The following DYNLRB1 variants were observed in gnomAD, a reference collection of about 807,000 sequenced individuals.
DYNLRB1 encodes dynein light chain roadblock-type 1, also known as ROBL/LC7-like 1.
In DYNLRB1, 6 loss-of-function variants were observed where a neutral mutation model predicts 13.5. That is an observed-to-expected ratio of 0.44 (90% CI 0.24 to 0.88). The LOEUF is 0.88. Among genes scored for constraint, DYNLRB1 ranks in the 40% least tolerant of loss-of-function variants. The probability of loss-of-function intolerance (pLI) is 0.21; values close to 1 mark genes in which losing one functional copy is unlikely to be tolerated. For missense variants in DYNLRB1, 93 were observed against 127.2 expected, an observed-to-expected ratio of 0.73 and a Z score of 1.29; for synonymous variants, 43 against 45.0, an observed-to-expected ratio of 0.96 and a Z score of 0.18.
At chr20:34,516,661 C>A (rs953579803) in intron 1 of DYNLRB1, 200 bp downstream of exon 1, 4 of 1,464,332 alleles carry the variant, frequency 2.7e-6, no homozygotes, top group Middle Eastern at 4.7e-4. Context: ...GCGGGGCCGC[C>A]GGATCCCGCT....
At chr20:34,538,147 TG>T (rs1221862611) in intron 3 of DYNLRB1, among the ~76,000 whole-genome samples, 1 of 147,834 alleles carries the variant, frequency 6.8e-6, no homozygotes, top group Non-Finnish European at 1.5e-5. Flanking sequence ...TTTTTTTTTT[TG>T]GTAGAGACAG....
At position 34,516,449 on chromosome 20, in the gene DYNLRB1, T is replaced by G. The variant is rs1488968851; in HGVS notation, c.-10T>G. The G allele has an allele frequency of 1.2e-6, 2 of 1,613,284 alleles. No homozygotes were observed. Among genetic ancestry groups the G allele is most frequent in the East Asian group, 2.2e-5 (1 of 44,816 alleles). On this transcript the variant is annotated 5_prime_UTR_variant, in exon 1 of 4. Coordinates refer to ENST00000357156, the MANE Select transcript of DYNLRB1 (RefSeq NM_014183.4). Reference sequence around the variant, plus strand: ...GTGTTCGCTACGCGGGGCTACCGGATCGGTCGGAAATGGTGAGCGTGCGCC... The same window carrying G: ...GTGTTCGCTACGCGGGGCTACCGGAGCGGTCGGAAATGGTGAGCGTGCGCC...
At chr20:34,533,844 G>T (rs890683999) in intron 2 of DYNLRB1, among the ~76,000 whole-genome samples, 2 of 146,898 alleles carry the variant, frequency 1.4e-5, no homozygotes, top group African/African-American at 5.1e-5. Context: ...ATAAATAAAA[G>T]AAGTTTGTAA....
chr20:34,516,443 A>C lies in DYNLRB1; in HGVS notation c.-16A>C. ...CGCTAAGTGTTCGCTACGCGGGGCT[A>C]CCGGATCGGTCGGAAATGGTGAGCG... On this transcript the variant is annotated 5_prime_UTR_variant, in exon 1 of 4. Coordinates refer to ENST00000357156, the MANE Select transcript of DYNLRB1 (RefSeq NM_014183.4). 2 of 1,613,340 alleles carry C rather than the reference A, an allele frequency of 1.2e-6. No homozygotes were observed. Among genetic ancestry groups the C allele is most frequent in the Non-Finnish European group, 1.7e-6 (2 of 1,179,604 alleles).
intron 3 of DYNLRB1, chr20:34,536,054 C>T: frequency 1.0e-6 from 1 of 985,364 alleles, no homozygotes; most frequent in Non-Finnish European, 1.2e-6. Flanking sequence ...GTCACAGCAG[C>T]CCACAGGCTC....
At chr20:34,516,122 T>C (rs756060027), upstream of DYNLRB1, among the ~76,000 whole-genome samples, 7 of 151,528 alleles carry the variant, frequency 4.6e-5, no homozygotes, top group Non-Finnish European at 8.9e-5. Context: ...CTCGAACTCT[T>C]GGGCTCAAGC....
At position 34,522,622 on chromosome 20, in the gene DYNLRB1, G is replaced by A. The variant is rs374072672; in HGVS notation, c.4-3646G>A. ...CAACTAGCTGGGACTGCAGGCACAC[G>A]ACACCACGCATGGTTAATTTTTTTT... is the stretch of plus-strand genomic sequence containing the variant. On this transcript the variant is annotated intron_variant, in intron 1 of 3. Transcript: ENST00000357156. Among the ~76,000 whole-genome samples the A allele has an allele frequency of 3.9e-3, 587 of 151,692 alleles. 4 individuals are homozygous for A. The Middle Eastern group carries it at 0.044, about 11-fold the overall frequency.
At chr20:34,515,649 C>T (rs1309604738), upstream of DYNLRB1, among the ~76,000 whole-genome samples, 1 of 151,886 alleles carries the variant, frequency 6.6e-6, no homozygotes, top group African/African-American at 2.4e-5. Context: ...ACTCGAGGTA[C>T]CTGACTCCAG....
chr20:34,540,421 TC>T (rs1163395556), intron 3 of DYNLRB1, among the ~76,000 whole-genome samples, 159 bp from the exon 4 acceptor site: 1 of 152,256 alleles, frequency 6.6e-6, no homozygotes, highest in African/African-American at 2.4e-5. Context: ...AGGTTTATCT[TC>T]CGTTTTCCCA....
chr20:34,520,564 A>G (rs1426757551), intron 1 of DYNLRB1, among the ~76,000 whole-genome samples: 1 of 152,140 alleles, frequency 6.6e-6, no homozygotes, highest in Non-Finnish European at 1.5e-5. Flanking sequence ...TTCCTGCCTC[A>G]GCCTCCTGAG....
chr20:34,531,145 T>G (rs929339655), intron 2 of DYNLRB1: 2 of 152,300 alleles, frequency 1.3e-5, no homozygotes, highest in Non-Finnish European at 2.9e-5. Flanking sequence ...GTCTCTTGTG[T>G]TCACTGCTGT....
At chr20:34,534,012 G>A (rs969761273) in intron 2 of DYNLRB1, among the ~76,000 whole-genome samples, 2 of 151,280 alleles carry the variant, frequency 1.3e-5, no homozygotes, top group Admixed American at 6.6e-5. Context: ...GCTGTGGCAC[G>A]CGCCTGTAAT....
At chr20:34,536,473 G>A (rs928846400) in intron 3 of DYNLRB1, 106 of 985,236 alleles carry the variant, frequency 1.1e-4, no homozygotes, top group Non-Finnish European at 1.3e-4. Context: ...GGGATGGAGC[G>A]CAGTGGCTCA....
At chr20:34,516,982 A>G (rs1362008451) in intron 1 of DYNLRB1, 2 of 1,283,832 alleles carry the variant, frequency 1.6e-6, no homozygotes, top group Non-Finnish European at 2.0e-6. Flanking sequence ...TTTGAACCCT[A>G]GAAGCTTGAC....
intron 1 of DYNLRB1, 63 bp from the exon 2 acceptor site, chr20:34,526,205 G>T (rs182304821): frequency 9.9e-5 from 154 of 1,552,758 alleles, no homozygotes; most frequent in Non-Finnish European, 1.2e-4. Context: ...TCATCTGCCT[G>T]GGGTATGAGG....
At chr20:34,529,745 A>AAT in intron 2 of DYNLRB1, 2 of 1,068,470 alleles carry the variant, frequency 1.9e-6, no homozygotes, top group Non-Finnish European at 2.4e-6. Context: ...AAAAAAAAAA[A>AAT]TGTTGATTTC....
Position 34,516,479 on chromosome 20 carries a change from T to C in DYNLRB1, c.3+18T>C, listed in dbSNP as rs1979187839. On this transcript the variant is annotated intron_variant, in intron 1 of 3. Coordinates refer to ENST00000357156, the MANE Select transcript of DYNLRB1 (RefSeq NM_014183.4). ...CGGAAATGGTGAGCGTGCGCCGGGG[T>C]CTTGTGGCTGGCGGCCGCCCACCAC... 1.4e-5 allele frequency: 22 copies of C among 1,611,214 alleles called. No individual in the cohort carries two copies. The highest frequency in any genetic ancestry group is 1.8e-5 in the Non-Finnish European group (21 of 1,178,340).
rs146438782 is a variant in DYNLRB1, at chr20:34,535,675, G to T, written c.247+880G>T. The stretch of plus-strand genomic sequence containing the variant: ...GAGTGTGCGTGCGTCACGTATGCGC[G>T]TGATGGTGCACTCCCGCTGCAGTGC... On this transcript the variant is annotated intron_variant, in intron 3 of 3. Transcript: ENST00000357156. The T allele has an allele frequency of 7.6e-3, 7,475 of 985,356 alleles. 30 individuals are homozygous for T. The highest frequency in any genetic ancestry group is 0.023 in the South Asian group (480 of 21,284). The allele number at this position is 985,356 out of a possible 1,614,324, so 61.0% of individuals were successfully genotyped here. A position where few individuals can be genotyped will look rare whatever the true frequency, so the allele number is the denominator to read the frequency against.
chr20:34,538,899 A>G (rs898610176), intron 3 of DYNLRB1, among the ~76,000 whole-genome samples: 2 of 152,130 alleles, frequency 1.3e-5, no homozygotes, highest in Non-Finnish European at 2.9e-5. Flanking sequence ...TCCCCACTCC[A>G]CCTGTGGATT....
Sources: gnomAD v4.1 joint callset for allele counts (sites outside exome capture counted in the v4.1 genomes callset) on GRCh38, gnomAD v4.1.1 for gene constraint, MANE v1.5 for transcripts, NCBI Gene and HGNC (gene_info 2026-07-23, HGNC 2026-07-21) for gene names.